MICAL3: variants seen among roughly 807,000 people sequenced by gnomAD.
MICAL3 encodes microtubule associated monooxygenase, calponin and LIM domain containing 3, also known as [F-actin]-monooxygenase MICAL3.
MICAL3 carries 62 observed loss-of-function variants against 207.4 expected under a neutral mutation model. The observed-to-expected ratio is 0.30, with a 90% CI of 0.24 to 0.37. The LOEUF (loss-of-function observed/expected upper bound fraction) is 0.37. Among genes scored for constraint, MICAL3 ranks in the 10% least tolerant of loss-of-function variants. The probability of loss-of-function intolerance (pLI) is 1.00; values close to 1 mark genes in which losing one functional copy is unlikely to be tolerated. For missense variants in MICAL3, 2,368 were observed against 2,635.6 expected, an observed-to-expected ratio of 0.90 and a Z score of 2.22; for synonymous variants, 1,077 against 1,069.3, an observed-to-expected ratio of 1.01 and a Z score of -0.14.
Position 17,887,419 on chromosome 22 carries a change from A to C in MICAL3, c.1908T>G (p.Asn636Lys), listed in dbSNP as rs778473754. Reference protein sequence around the residue: ...SLPSSDTLDLNAEEKAVLIAS... With the variant: ...SLPSSDTLDLKAEEKAVLIAS... The stretch of plus-strand genomic sequence containing the variant: ...CTATCAGGACTGCTTTCTCCTCGGC[A>C]TTTAGGTCCAAGGTGTCTGGGAATA... The change falls in exon 14 of 32, where the codon AAT (asparagine) becomes AAG (lysine). Residue 636 changes from asparagine (N) to lysine (K), a missense_variant. Asn to Lys is a moderately conservative substitution (Grantham distance 94). Around this residue, in one of 4 missense-constraint regions of MICAL3, gnomAD observed 1,770 missense variants for 1,863.2 expected, o/e 0.95. Transcript: ENST00000441493. The C allele has an allele frequency of 6.2e-7, 1 of 1,613,186 alleles. No individual in the cohort carries two copies. Among genetic ancestry groups the C allele is most frequent in the African/African-American group, 1.3e-5 (1 of 74,918 alleles).
intron 1 of MICAL3, among the ~76,000 whole-genome samples, chr22:17,966,500 G>A (rs753038778): frequency 3.9e-5 from 6 of 152,126 alleles, no homozygotes; most frequent in East Asian, 1.9e-4. Context: ...CATTGTTTCT[G>A]TTTCTCCAAT....
chr22:17,881,695 G>A (rs1929446245), intron 16 of MICAL3, among the ~76,000 whole-genome samples: 1 of 152,222 alleles, frequency 6.6e-6, no homozygotes, highest in African/African-American at 2.4e-5. Flanking sequence ...ATCCAATGAA[G>A]CGAAGCAGCA....
chr22:17,867,787 T>C (rs1341359610), intron 17 of MICAL3, among the ~76,000 whole-genome samples: 1 of 152,228 alleles, frequency 6.6e-6, no homozygotes, highest in African/African-American at 2.4e-5. Flanking sequence ...TCAACTGTCA[T>C]CTGCATTGGG....
At chr22:17,930,400 C>T (rs1467037488) in intron 1 of MICAL3, among the ~76,000 whole-genome samples, 1 of 152,172 alleles carries the variant, frequency 6.6e-6, no homozygotes, top group East Asian at 1.9e-4. Context: ...AAATTGGAAA[C>T]ATTCAAATGA....
chr22:17,956,005 T>C (rs1488166204), intron 1 of MICAL3, among the ~76,000 whole-genome samples: 1 of 152,250 alleles, frequency 6.6e-6, no homozygotes, highest in African/African-American at 2.4e-5. Context: ...TGAATGTTTA[T>C]GAGCACAAGG....
At position 17,963,845 on chromosome 22, in the gene MICAL3, G is replaced by A. The variant is rs1211359213; in HGVS notation, c.-74-56959C>T. Among the ~76,000 whole-genome samples, 6 of 152,270 alleles carry A rather than the reference G, an allele frequency of 3.9e-5. No individual in the cohort carries two copies. The East Asian group carries it at 7.7e-4, about 20-fold the overall frequency. ...GATGCCCTGGTGCAGACAAGGAGCC[G>A]CTTTACCCATCAGGCTACCAGCTGA... On this transcript the variant is annotated intron_variant, in intron 1 of 31. Coordinates refer to ENST00000441493, the MANE Select transcript of MICAL3 (RefSeq NM_015241.3).
intron 29 of MICAL3, among the ~76,000 whole-genome samples, chr22:17,802,811 G>C (rs1390089761): frequency 1.3e-5 from 2 of 152,156 alleles, no homozygotes; most frequent in Admixed American, 6.5e-5. Flanking sequence ...TCCACGGGGA[G>C]ATGAAGGGGG....
chr22:17,859,273 G>A (rs889898318), intron 19 of MICAL3, among the ~76,000 whole-genome samples: 4 of 152,236 alleles, frequency 2.6e-5, no homozygotes, highest in Admixed American at 6.5e-5. Flanking sequence ...ACCTCTTCAC[G>A]TTCCAAGAGA....
intron 1 of MICAL3, among the ~76,000 whole-genome samples, chr22:17,996,134 TA>T (rs35369164): frequency 0.27 from 25,263 of 93,608 alleles, 2,895 homozygotes; most frequent in East Asian, 0.48. Context: ...TGTCTCAATT[TA>T]AAAAAAAAAA....
At chr22:17,890,854 C>T (rs1442512104) in intron 12 of MICAL3, among the ~76,000 whole-genome samples, 2 of 152,192 alleles carry the variant, frequency 1.3e-5, no homozygotes, top group African/African-American at 2.4e-5. Flanking sequence ...CTGGTCCCCG[C>T]AGCTGACCTG....
chr22:18,011,754 T>C (rs1923751211), intron 1 of MICAL3, among the ~76,000 whole-genome samples: 1 of 148,746 alleles, frequency 6.7e-6, no homozygotes, highest in Admixed American at 6.7e-5. Flanking sequence ...TAGCTGGGTG[T>C]GGTGGTGGGT....
chr22:17,889,454 CA>C (rs746146699), intron 12 of MICAL3, among the ~76,000 whole-genome samples: 1 of 146,926 alleles, frequency 6.8e-6, no homozygotes, highest in Non-Finnish European at 1.5e-5. Context: ...GTCTACCCAC[CA>C]AAGAAAAAAA....
intron 19 of MICAL3, among the ~76,000 whole-genome samples, chr22:17,849,882 C>A (rs958859043): frequency 6.7e-6 from 1 of 148,876 alleles, no homozygotes; most frequent in Non-Finnish European, 1.5e-5. Flanking sequence ...TTAGTACAGA[C>A]GGGTTTCACT....
intron 1 of MICAL3, among the ~76,000 whole-genome samples, chr22:17,993,794 A>T (rs984245639): frequency 3.3e-5 from 5 of 152,046 alleles, no homozygotes; most frequent in African/African-American, 1.2e-4. Flanking sequence ...TCAAGAGTGA[A>T]GAGAGGGAAA....
chr22:17,791,857 C>T (rs1305742034), intron 29 of MICAL3, among the ~76,000 whole-genome samples: 3 of 152,262 alleles, frequency 2.0e-5, no homozygotes, highest in Non-Finnish European at 4.4e-5. Flanking sequence ...AACTTGTGGC[C>T]TATCAAGCTT....
chr22:17,817,737 C>T lies in MICAL3; in HGVS notation c.4924G>A (p.Gly1642Ser), dbSNP rs371493321. ...PRKASSAPSQ[G>S]KERRPDSPTR... ...GGGGAGTCAGGCCGGCGCTCCTTGCCCTGGGAGGGTGCTGAGGACGCCTTG... is the reference window on the plus strand; with the variant it reads ...GGGGAGTCAGGCCGGCGCTCCTTGCTCTGGGAGGGTGCTGAGGACGCCTTG... Residue 1642 changes from glycine (G) to serine (S), a missense_variant, in exon 26 of 32, where the codon GGC (glycine) becomes AGC (serine). Around this residue, in one of 4 missense-constraint regions of MICAL3, gnomAD observed 1,770 missense variants for 1,863.2 expected, o/e 0.95. Coordinates refer to ENST00000441493, the MANE Select transcript of MICAL3 (RefSeq NM_015241.3). The T allele has an allele frequency of 3.8e-6, 6 of 1,590,744 alleles. No individual in the cohort carries two copies. The highest frequency in any genetic ancestry group is 5.1e-6 in the Non-Finnish European group (6 of 1,169,526).
chr22:17,950,471 C>G (rs1230940796), intron 1 of MICAL3, among the ~76,000 whole-genome samples: 1 of 151,332 alleles, frequency 6.6e-6, no homozygotes, highest in Non-Finnish European at 1.5e-5. Flanking sequence ...TCCCAAGTAG[C>G]TGGGACTACA....
intron 1 of MICAL3, among the ~76,000 whole-genome samples, chr22:17,948,098 C>T (rs1183201414): frequency 1.3e-5 from 2 of 152,318 alleles, no homozygotes; most frequent in South Asian, 4.1e-4. Flanking sequence ...GCTGATCTAC[C>T]AGATGCCTGT....
At position 17,956,528 on chromosome 22, in the gene MICAL3, G is replaced by A. The variant is rs191095379; in HGVS notation, c.-74-49642C>T. ...CTACTAAAAATACAAAATTAGCCAG[G>A]TGTGGTGGTGCATGCCTGTAGTCCC... is the stretch of plus-strand genomic sequence containing the variant. On this transcript the variant is annotated intron_variant, in intron 1 of 31. Transcript: ENST00000441493. Among the ~76,000 whole-genome samples the A allele has an allele frequency of 1.1e-3, 170 of 152,310 alleles. 1 individual carries two copies. Among genetic ancestry groups the A allele is most frequent in the African/African-American group, 4.0e-3 (165 of 41,570 alleles).
Sources: gnomAD v4.1 joint callset for allele counts (sites outside exome capture counted in the v4.1 genomes callset) on GRCh38, gnomAD v4.1.1 for gene constraint, gnomAD v4.1.1 regional missense constraint, MANE v1.5 for transcripts, NCBI Gene and HGNC (gene_info 2026-07-23, HGNC 2026-07-21) for gene names.